The following CHEK1 variants were observed in gnomAD, a reference collection of about 807,000 sequenced individuals.
The protein encoded by CHEK1 is checkpoint kinase 1.
Under a neutral mutation model 60.2 loss-of-function variants are expected in CHEK1, and 32 were observed. The ratio of observed to expected loss-of-function variants is 0.53; its 90% CI spans 0.40 to 0.71. The LOEUF is 0.71. Among genes scored for constraint, CHEK1 ranks in the 30% least tolerant of loss-of-function variants. The pLI is 0.00. For synonymous variants in CHEK1, 179 were observed against 187.2 expected (o/e 0.96, Z 0.36); for missense variants, 399 against 564.6 (o/e 0.71, Z 2.97).
At chr11:125,680,789 A>C, downstream of CHEK1, 1 of 1,613,298 alleles carries the variant, frequency 6.2e-7, no homozygotes, top group Non-Finnish European at 8.5e-7. Context: ...ATCTGGATTT[A>C]GGAAAAGAGG....
At chr11:125,680,610 C>G, downstream of CHEK1, 1 of 904,978 alleles carries the variant, frequency 1.1e-6, no homozygotes, top group Non-Finnish European at 1.7e-6. Context: ...TTTAGCTGCT[C>G]TTGATTCTGA....
intron 6 of CHEK1, among the ~76,000 whole-genome samples, chr11:125,633,565 A>T (rs1339053994): frequency 6.6e-6 from 1 of 151,980 alleles, no homozygotes; most frequent in South Asian, 2.1e-4. Flanking sequence ...CTCTGGCCTC[A>T]CTCTTCCAAG....
chr11:125,643,824 G>A lies in CHEK1; in HGVS notation c.847G>A (p.Val283Met), dbSNP rs1227056031. Residue 283 changes from valine (V) to methionine (M), a missense_variant, in exon 9 of 13, where the codon GTG becomes ATG. Val to Met is a conservative substitution (Grantham distance 21). Around this residue, in one of 2 missense-constraint regions of CHEK1, gnomAD observed 370 missense variants for 494.8 expected, o/e 0.75. Coordinates refer to ENST00000438015, the MANE Select transcript of CHEK1 (RefSeq NM_001114122.3). ...AAGGCCCCGAGTCACTTCAGGTGGT[G>A]TGTCAGAGTCTCCCAGTGGATTTTC... ...AKRPRVTSGG[V>M]SESPSGFSKH... The A allele has an allele frequency of 6.2e-7, 1 of 1,614,140 alleles. No individual in the cohort carries two copies. The highest frequency in any genetic ancestry group is 8.5e-7 in the Non-Finnish European group (1 of 1,180,026).
chr11:125,655,823 T>C lies in CHEK1; in HGVS notation c.*503T>C, dbSNP rs1565383802. On this transcript the variant is annotated 3_prime_UTR_variant, in exon 13 of 13. Coordinates refer to ENST00000438015, the MANE Select transcript of CHEK1 (RefSeq NM_001114122.3). ...ATCCCCAAGATTTGTACTTATATTT[T>C]CAAAAGGGCCTGGCCAGTTATATAA... 4.7e-6 allele frequency: 1 copy of C among 214,054 alleles called. No individual in the cohort carries two copies. The highest frequency in any genetic ancestry group is 2.3e-5 in the African/African-American group (1 of 44,330). The allele number at this position is 214,054 out of a possible 1,614,324, so 13.3% of individuals were successfully genotyped here. A position where few individuals can be genotyped will look rare whatever the true frequency, so the allele number is the denominator to read the frequency against.
chr11:125,660,314 G>A (rs1941988492), downstream of CHEK1, among the ~76,000 whole-genome samples: 1 of 152,082 alleles, frequency 6.6e-6, no homozygotes, highest in Non-Finnish European at 1.5e-5. Context: ...TATCTTTACT[G>A]CTTATACAGT....
At chr11:125,628,215 C>A (rs936664698) in intron 3 of CHEK1, among the ~76,000 whole-genome samples, 1 of 152,122 alleles carries the variant, frequency 6.6e-6, no homozygotes, top group Non-Finnish European at 1.5e-5. Flanking sequence ...ATTTACAGAT[C>A]TAAAATAGCA....
chr11:125,631,735 G>T lies in CHEK1; in HGVS notation c.425-1428G>T, dbSNP rs1445102621. On this transcript the variant is annotated intron_variant, in intron 5 of 12. Transcript: ENST00000438015. Reference sequence around the variant, plus strand: ...TAGCTAGACATGGTGGTGCACACCTGGAGTCCCAGCTACTTGGAAGGCTGA... The same window carrying T: ...TAGCTAGACATGGTGGTGCACACCTTGAGTCCCAGCTACTTGGAAGGCTGA... 2.6e-5 allele frequency among the ~76,000 whole-genome samples: 4 copies of T among 151,702 alleles called. No individual in the cohort carries two copies. The East Asian group carries it at 5.8e-4, about 22-fold the overall frequency.
At chr11:125,664,547 A>G (rs922156283) in intron 13 of CHEK1, among the ~76,000 whole-genome samples, 5 of 151,974 alleles carry the variant, frequency 3.3e-5, no homozygotes, top group Non-Finnish European at 5.9e-5. Flanking sequence ...ACATTTTTTC[A>G]TATACCTATT....
chr11:125,640,086 A>G (rs956214202), intron 8 of CHEK1, among the ~76,000 whole-genome samples: 19 of 152,120 alleles, frequency 1.2e-4, no homozygotes, highest in African/African-American at 4.6e-4. Context: ...ATTGCTTCTC[A>G]TCTCTAACAC....
At chr11:125,643,756 A>G in intron 8 of CHEK1, 36 bp from the exon 9 acceptor site, 1 of 1,530,774 alleles carries the variant, frequency 6.5e-7, no homozygotes, top group Non-Finnish European at 9.0e-7. Flanking sequence ...CTTGCATAGA[A>G]GACTTGAAAG....
At chr11:125,646,333 T>C (rs1941504810) in intron 11 of CHEK1, among the ~76,000 whole-genome samples, 1 of 152,206 alleles carries the variant, frequency 6.6e-6, no homozygotes, top group East Asian at 1.9e-4. Context: ...AATAATATTC[T>C]GTTGTGTGTA....
chr11:125,652,616 G>A (rs1941779327), intron 11 of CHEK1, among the ~76,000 whole-genome samples: 1 of 152,150 alleles, frequency 6.6e-6, no homozygotes, highest in Non-Finnish European at 1.5e-5. Flanking sequence ...TACCCACTGG[G>A]AGAAGAGAGA....
chr11:125,644,769 G>A (rs1167706818), intron 11 of CHEK1, 126 bp downstream of exon 11: 1 of 1,102,548 alleles, frequency 9.1e-7, no homozygotes, highest in East Asian at 2.8e-5. Context: ...AGCTTTTTGG[G>A]AGGCTGGGGT....
rs1283847874 is a variant in CHEK1, at chr11:125,625,360, C to G, written c.-673C>G. 1 of 251,558 alleles carries G rather than the reference C, an allele frequency of 4.0e-6. No individual in the cohort carries two copies. The highest frequency in any genetic ancestry group is 5.8e-5 in the East Asian group (1 of 17,254). 15.6% of individuals were successfully genotyped at this position (251,558 alleles called of 1,614,324 possible). A position where few individuals can be genotyped will look rare whatever the true frequency, so the allele number is the denominator to read the frequency against. On this transcript the variant is annotated 5_prime_UTR_variant, in exon 1 of 13. Coordinates refer to ENST00000438015, the MANE Select transcript of CHEK1 (RefSeq NM_001114122.3). ...TGCTCGCTTTCTCCGGGAAACTTGC[C>G]CCGCCACACACACTTGACTGCGTGG...
At chr11:125,629,204 A>G in intron 3 of CHEK1, 28 bp from the exon 4 acceptor site, 1 of 1,610,070 alleles carries the variant, frequency 6.2e-7, no homozygotes, top group Non-Finnish European at 8.5e-7. Context: ...ATATTTAGTC[A>G]ATAAACTTAC....
intron 8 of CHEK1, among the ~76,000 whole-genome samples, chr11:125,638,204 T>C (rs1941144778): frequency 6.6e-6 from 1 of 152,212 alleles, no homozygotes; most frequent in Admixed American, 6.5e-5. Context: ...GACATAGTCA[T>C]ATCTTCGGTT....
intron 8 of CHEK1, among the ~76,000 whole-genome samples, chr11:125,639,652 G>C (rs1222890390): frequency 6.6e-6 from 1 of 152,056 alleles, no homozygotes; most frequent in Non-Finnish European, 1.5e-5. Context: ...GTTTATAGGT[G>C]TGAGCTACTG....
intron 10 of CHEK1, 73 bp from the exon 11 acceptor site, chr11:125,644,439 A>G (rs1207878892): frequency 6.5e-6 from 10 of 1,539,956 alleles, no homozygotes; most frequent in Non-Finnish European, 7.0e-6. Context: ...ATTTTAAGTC[A>G]GACTAAATAG....
chr11:125,627,778 C>G lies in CHEK1; in HGVS notation c.237C>G (p.Ile79Met), dbSNP rs746760826. 6.2e-7 allele frequency: 1 copy of G among 1,612,512 alleles called. No homozygotes were observed. Among genetic ancestry groups the G allele is most frequent in the Non-Finnish European group, 8.5e-7 (1 of 1,179,724 alleles). Residue 79 changes from isoleucine to methionine, a missense_variant, in exon 3 of 13, where the codon ATC becomes ATG. Physicochemically the swap from Ile to Met is conservative, Grantham distance 10 (BLOSUM62 1). Around this residue, in one of 2 missense-constraint regions of CHEK1, gnomAD observed 370 missense variants for 494.8 expected, o/e 0.75. Coordinates refer to ENST00000438015, the MANE Select transcript of CHEK1 (RefSeq NM_001114122.3). The part of the protein sequence containing the change: ...KFYGHRREGN[I>M]QYLFLEYCSG... ...ATGGTCACAGGAGAGAAGGCAATAT[C>G]CAATATTTATTTCTGGAGTACTGTA...
Sources: gnomAD v4.1 joint callset for allele counts (sites outside exome capture counted in the v4.1 genomes callset) on GRCh38, gnomAD v4.1.1 for gene constraint, gnomAD v4.1.1 regional missense constraint, MANE v1.5 for transcripts, NCBI Gene and HGNC (gene_info 2026-07-23, HGNC 2026-07-21) for gene names.